Variants in SLAIN1 observed in about 807,000 individuals in gnomAD.
SLAIN1 encodes the protein SLAIN family member 1.
SLAIN1 carries 17 observed loss-of-function variants against 55.4 expected under a neutral mutation model. That is an observed-to-expected ratio of 0.31 (90% CI 0.21 to 0.46). The LOEUF (loss-of-function observed/expected upper bound fraction) is 0.46. Ranked by LOEUF, SLAIN1 falls within the 20% of genes least tolerant of loss-of-function variation. SLAIN1 has a pLI of 1.00. For synonymous variants in SLAIN1, 348 were observed against 337.4 expected, an observed-to-expected ratio of 1.03 and a Z score of -0.35; for missense variants, 682 against 785.1, an observed-to-expected ratio of 0.87 and a Z score of 1.57.
chr13:77,744,000 TA>T (rs1271909283), intron 2 of SLAIN1, among the ~76,000 whole-genome samples: 1 of 152,132 alleles, frequency 6.6e-6, no homozygotes, highest in African/African-American at 2.4e-5. Flanking sequence ...TTTATTGTGA[TA>T]AAAAATATAA....
At chr13:77,718,437 T>A (rs1438234561) in intron 1 of SLAIN1, among the ~76,000 whole-genome samples, 1 of 152,132 alleles carries the variant, frequency 6.6e-6, no homozygotes, top group East Asian at 1.9e-4. Context: ...CCTGAAATAT[T>A]TACTTGCCGG....
chr13:77,699,224 G>A, intron 1 of SLAIN1: 1 of 450,552 alleles, frequency 2.2e-6, no homozygotes, highest in East Asian at 3.4e-5. Context: ...GAATGAACAG[G>A]TGGGAGGGAC....
intron 3 of SLAIN1, among the ~76,000 whole-genome samples, chr13:77,746,011 A>G (rs1408148179): frequency 6.6e-6 from 1 of 152,104 alleles, no homozygotes; most frequent in Non-Finnish European, 1.5e-5. Flanking sequence ...TAGTAACATA[A>G]AAGAACAATA....
chr13:77,737,983 G>T (rs1873211626), intron 2 of SLAIN1, among the ~76,000 whole-genome samples: 1 of 152,048 alleles, frequency 6.6e-6, no homozygotes, highest in Admixed American at 6.6e-5. Context: ...TTAAAAGTGG[G>T]TGGGAGTATA....
Position 77,744,412 on chromosome 13 carries a change from T to C in SLAIN1, c.896T>C (p.Met299Thr). 6.2e-7 allele frequency: 1 copy of C among 1,612,260 alleles called. No individual in the cohort carries two copies. The highest frequency in any genetic ancestry group is 8.5e-7 in the Non-Finnish European group (1 of 1,179,218). ...KLQDLTDVQIMARLQEESLRQ... is the reference protein window; with the variant it reads ...KLQDLTDVQITARLQEESLRQ... ...CAGGACCTCACTGATGTTCAGATCATGGCTCGTCTGCAAGAAGAAAGTATG... is the reference window on the plus strand; with the variant it reads ...CAGGACCTCACTGATGTTCAGATCACGGCTCGTCTGCAAGAAGAAAGTATG... Residue 299 changes from methionine (M) to threonine (T), a missense_variant, in exon 3 of 7, where the codon ATG (methionine) becomes ACG (threonine). Transcript: ENST00000418532.
Position 77,698,432 on chromosome 13 carries a change from A to G in SLAIN1, c.519A>G (p.Pro173=). 1.4e-6 allele frequency: 2 copies of G among 1,413,866 alleles called. No individual in the cohort carries two copies. The highest frequency in any genetic ancestry group is 1.5e-5 in the South Asian group (1 of 67,288). The allele number at this position is 1,413,866 out of a possible 1,614,324, so 87.6% of individuals were successfully genotyped here. A position where few individuals can be genotyped will look rare whatever the true frequency, so the allele number is the denominator to read the frequency against. Residue 173 remains proline, a synonymous_variant, in exon 1 of 7, where the codon CCA becomes CCG. Coordinates refer to ENST00000418532, the MANE Select transcript of SLAIN1 (RefSeq NM_001242868.2). This position sits in a 1 kb window ranked among gnomAD's most constrained non-coding sequence, Gnocchi z 4.1. ...AGCCGGGGGGCGCGGGGACGCCGCC[A>G]GGGGCAGCTGCAGCGCCGCCCTCGC... The part of the protein sequence containing the change: ...GPEPGGAGTP[P]GAAAAPPSPP...
At chr13:77,727,271 T>C (rs890545442) in intron 2 of SLAIN1, among the ~76,000 whole-genome samples, 12 of 152,318 alleles carry the variant, frequency 7.9e-5, no homozygotes, top group African/African-American at 2.9e-4. Flanking sequence ...TAGTTGTTAA[T>C]GTATGTGACT....
chr13:77,754,693 C>A (rs2154410841), intron 5 of SLAIN1, among the ~76,000 whole-genome samples: 1 of 152,230 alleles, frequency 6.6e-6, no homozygotes, highest in Non-Finnish European at 1.5e-5. Flanking sequence ...TCTCAAATAC[C>A]CCCCAAACAA....
chr13:77,723,576 A>G (rs1263440214), intron 2 of SLAIN1, among the ~76,000 whole-genome samples: 1 of 152,220 alleles, frequency 6.6e-6, no homozygotes, highest in Non-Finnish European at 1.5e-5. Flanking sequence ...CACAGAGTTT[A>G]GAAGGCATTA....
chr13:77,761,854 T>C (rs1259083590), intron 6 of SLAIN1, among the ~76,000 whole-genome samples: 1 of 151,744 alleles, frequency 6.6e-6, no homozygotes, highest in Non-Finnish European at 1.5e-5. Context: ...TCCATAAAAG[T>C]GGTTTGAGGA....
intron 5 of SLAIN1, among the ~76,000 whole-genome samples, chr13:77,759,798 T>C (rs1349863972): frequency 6.6e-6 from 1 of 152,178 alleles, no homozygotes; most frequent in Non-Finnish European, 1.5e-5. Context: ...ACCTGCTTGA[T>C]CATGATGTGT....
chr13:77,761,891 C>T (rs142089357), intron 6 of SLAIN1, among the ~76,000 whole-genome samples: 96 of 152,098 alleles, frequency 6.3e-4, no homozygotes, highest in African/African-American at 2.2e-3. Context: ...GAAATAAAGA[C>T]AATAAATACA....
intron 2 of SLAIN1, among the ~76,000 whole-genome samples, chr13:77,731,444 T>A (rs1872856878): frequency 6.6e-6 from 1 of 152,136 alleles, no homozygotes; most frequent in South Asian, 2.1e-4. Flanking sequence ...CTTAAAATGG[T>A]TGAAAGTTTT....
At chr13:77,744,598 A>C in intron 3 of SLAIN1, 166 bp downstream of exon 3, 1 of 1,009,306 alleles carries the variant, frequency 9.9e-7, no homozygotes, top group Non-Finnish European at 1.5e-6. Context: ...TCACACTATC[A>C]TGAGGTGGTA....
intron 1 of SLAIN1, among the ~76,000 whole-genome samples, chr13:77,700,920 C>T (rs1222629191): frequency 1.3e-5 from 2 of 152,020 alleles, no homozygotes; most frequent in African/African-American, 2.4e-5. Context: ...AATTTATTAC[C>T]GTGACTCAGA....
Position 77,739,136 on chromosome 13 carries a change from A to G in SLAIN1, c.767-5147A>G, listed in dbSNP as rs116935699. On this transcript the variant is annotated intron_variant, in intron 2 of 6. Coordinates refer to ENST00000418532, the MANE Select transcript of SLAIN1 (RefSeq NM_001242868.2). Reference sequence around the variant, plus strand: ...AAACCGGAAGATTGATATAAAATTCAGCAACTTAGTAGTTACTAGAAAGTA... The same window carrying G: ...AAACCGGAAGATTGATATAAAATTCGGCAACTTAGTAGTTACTAGAAAGTA... Among the ~76,000 whole-genome samples, 7 of 152,226 alleles carry G rather than the reference A, an allele frequency of 4.6e-5. No individual in the cohort carries two copies. In the East Asian group the frequency reaches 1.4e-3, roughly 29 times the overall value.
intron 5 of SLAIN1, among the ~76,000 whole-genome samples, chr13:77,758,241 A>G (rs982729713): frequency 2.6e-5 from 4 of 151,896 alleles, no homozygotes; most frequent in Non-Finnish European, 4.4e-5. Flanking sequence ...AGAAATGTCA[A>G]TTCATGCTCT....
rs560651983 is a variant in SLAIN1 at position 77,700,659 on chromosome 13, C to T, written c.626+2120C>T. ...TTAATGCTTGCAAAGCACTCTGTTC[C>T]TTTATCACTGCAGACTATAGTGTCC... is the stretch of plus-strand genomic sequence containing the variant. On this transcript the variant is annotated intron_variant, in intron 1 of 6. Coordinates refer to ENST00000418532, the MANE Select transcript of SLAIN1 (RefSeq NM_001242868.2). 9.9e-5 allele frequency among the ~76,000 whole-genome samples: 15 copies of T among 152,192 alleles called. 1 individual carries two copies. Among genetic ancestry groups the T allele is most frequent in the South Asian group, 6.2e-4 (3 of 4,818 alleles).
intron 1 of SLAIN1, among the ~76,000 whole-genome samples, chr13:77,709,603 C>T (rs1463934601): frequency 6.6e-6 from 1 of 152,190 alleles, no homozygotes; most frequent in Non-Finnish European, 1.5e-5. Context: ...CAATATTCAA[C>T]ATTCTTAAAG....
Sources: allele counts gnomAD v4.1 joint callset (sites outside exome capture counted in the v4.1 genomes callset), GRCh38; gene constraint gnomAD v4.1.1; non-coding constraint Gnocchi (gnomAD v3.1); transcripts MANE v1.5; gene names NCBI Gene and HGNC (gene_info 2026-07-23, HGNC 2026-07-21).